ZSCAN23: variants seen among roughly 807,000 people sequenced by gnomAD.
ZSCAN23 encodes zinc finger and SCAN domain containing 23.
A neutral mutation model predicts 19.3 loss-of-function variants in ZSCAN23; 19 were observed. The observed-to-expected ratio is 0.99, with a 90% CI of 0.69 to 1.45. The LOEUF (loss-of-function observed/expected upper bound fraction) is 1.45, where lower values mean the gene tolerates loss of function less well. Among genes scored for constraint, ZSCAN23 ranks in the 40% most tolerant of loss-of-function variants. The pLI, the probability that ZSCAN23 is intolerant of heterozygous loss-of-function variation, is 0.00. For missense variants in ZSCAN23, 372 were observed against 462.5 expected (o/e 0.80, Z 1.79); for synonymous variants, 140 against 166.2 (o/e 0.84, Z 1.21).
At chr6:28,430,363 G>T (rs902497011), downstream of ZSCAN23, among the ~76,000 whole-genome samples, 1 of 152,054 alleles carries the variant, frequency 6.6e-6, no homozygotes, top group African/African-American at 2.4e-5. Context: ...AAGATAAAGG[G>T]CTTTCCAAAC....
chr6:28,443,000 A>C (rs1762033244), intron 1 of ZSCAN23, among the ~76,000 whole-genome samples: 7 of 152,240 alleles, frequency 4.6e-5, no homozygotes, highest in Admixed American at 4.6e-4. Context: ...TAGACTAAGA[A>C]AGGCTGTGGC....
chr6:28,430,317 C>CA (rs575270685), downstream of ZSCAN23, among the ~76,000 whole-genome samples: 203 of 152,200 alleles, frequency 1.3e-3, 1 homozygote, highest in African/African-American at 4.6e-3. Context: ...CAGGCACACT[C>CA]AGAGCTCCTC....
chr6:28,441,368 A>T (rs1761997017), intron 1 of ZSCAN23, among the ~76,000 whole-genome samples: 1 of 152,118 alleles, frequency 6.6e-6, no homozygotes, highest in Non-Finnish European at 1.5e-5. Context: ...CCACAAGCAA[A>T]AACTCTCAGC....
rs933998597 is a variant in ZSCAN23 at position 28,443,383 on chromosome 6, C to T, written c.-78+16G>A. The T allele has an allele frequency of 1.4e-4, 21 of 152,450 alleles. No individual in the cohort carries two copies. The highest frequency in any genetic ancestry group is 4.8e-4 in the African/African-American group (20 of 41,462). The allele number at this position is 152,450 out of a possible 1,614,324, so 9.4% of individuals were successfully genotyped here. A position where few individuals can be genotyped will look rare whatever the true frequency, so the allele number is the denominator to read the frequency against. ...CTTCCGAAGCCCCTCAGCGGTAGCC[C>T]GACTCCGAAGCTCACCGAGGCATCC... On this transcript the variant is annotated intron_variant, in intron 1 of 3. Transcript: ENST00000289788.
downstream of ZSCAN23, among the ~76,000 whole-genome samples, chr6:28,428,058 A>G (rs1761692033): frequency 6.6e-6 from 1 of 152,234 alleles, no homozygotes; most frequent in African/African-American, 2.4e-5. Flanking sequence ...CATGGGCAAC[A>G]AGAGCAAAAC....
At chr6:28,431,635 A>C (rs7740351), downstream of ZSCAN23, among the ~76,000 whole-genome samples, 53,358 of 152,050 alleles carry the variant, frequency 0.35, 10,020 homozygotes, top group African/African-American at 0.49. Flanking sequence ...GCATAGAAAA[A>C]TGGGGATAGG....
chr6:28,422,301 A>G, the ZSCAN23 span, among the ~76,000 whole-genome samples: 1 of 152,162 alleles, frequency 6.6e-6, no homozygotes, highest in Admixed American at 6.5e-5. The surrounding 1 kb of genome is among the most constrained non-coding windows in gnomAD (Gnocchi z 4.0). Context: ...AAAAGCAGCA[A>G]TGTAAAAACC....
At chr6:28,432,123 T>C (rs1172060617), downstream of ZSCAN23, 1 of 152,174 alleles carries the variant, frequency 6.6e-6, no homozygotes, top group Non-Finnish European at 1.5e-5. Flanking sequence ...TTTAAGGCAA[T>C]AAAAGACAGA....
the ZSCAN23 span, among the ~76,000 whole-genome samples, chr6:28,426,201 C>G: frequency 6.6e-6 from 1 of 152,198 alleles, no homozygotes; most frequent in Admixed American, 6.5e-5. Flanking sequence ...CCTTTGCATT[C>G]ACAACTGGCT....
At chr6:28,443,109 G>C (rs1176860722) in intron 1 of ZSCAN23, among the ~76,000 whole-genome samples, 1 of 152,176 alleles carries the variant, frequency 6.6e-6, no homozygotes, top group Non-Finnish European at 1.5e-5. Flanking sequence ...GAATCTATTT[G>C]AATCCTAAGA....
chr6:28,428,930 TC>T (rs1376161180), downstream of ZSCAN23, among the ~76,000 whole-genome samples: 1 of 152,168 alleles, frequency 6.6e-6, no homozygotes, highest in Non-Finnish European at 1.5e-5. Context: ...AACTTTAAAT[TC>T]CTCAGCATAT....
downstream of ZSCAN23, among the ~76,000 whole-genome samples, chr6:28,427,600 A>C (rs1371326834): frequency 6.6e-6 from 1 of 152,202 alleles, no homozygotes; most frequent in Non-Finnish European, 1.5e-5. Context: ...AACATATCTA[A>C]ACACAGAAAA....
chr6:28,429,971 A>C (rs921193686), downstream of ZSCAN23, among the ~76,000 whole-genome samples: 1 of 152,204 alleles, frequency 6.6e-6, no homozygotes, highest in African/African-American at 2.4e-5. Flanking sequence ...TGGAGGATCC[A>C]TCAATCTCAG....
rs570623912 is a variant in ZSCAN23, at chr6:28,441,201, T to C, written c.-78+2198A>G. ...AAGACTAAGCAGCATGTAATACAAATGTGCCTTTATCATCATATATCCCAC... is the reference window on the plus strand; with the variant it reads ...AAGACTAAGCAGCATGTAATACAAACGTGCCTTTATCATCATATATCCCAC... On this transcript the variant is annotated intron_variant, in intron 1 of 3. Transcript: ENST00000289788. Among the ~76,000 whole-genome samples the C allele has an allele frequency of 5.9e-5, 9 of 152,268 alleles. No individual in the cohort carries two copies. The East Asian group carries it at 1.7e-3, about 29-fold the overall frequency.
At chr6:28,423,515 T>A in the ZSCAN23 span, among the ~76,000 whole-genome samples, 1 of 152,168 alleles carries the variant, frequency 6.6e-6, no homozygotes, top group African/African-American at 2.4e-5. Context: ...GATCAGTAGT[T>A]CCAAGACGTG....
chr6:28,429,690 G>A (rs1436138647), downstream of ZSCAN23, among the ~76,000 whole-genome samples: 1 of 152,118 alleles, frequency 6.6e-6, no homozygotes, highest in Non-Finnish European at 1.5e-5. Flanking sequence ...TCTCTGAAAT[G>A]TCTGATGGAG....
Position 28,434,643 on chromosome 6 carries a change from T to G in ZSCAN23, c.992A>C (p.Lys331Thr), listed in dbSNP as rs1761834451. The G allele has an allele frequency of 6.4e-7, 1 of 1,563,612 alleles. No individual in the cohort carries two copies. The highest frequency in any genetic ancestry group is 1.4e-5 in the African/African-American group (1 of 73,376). ...FHHLRIHTGE[K>T]PYQCNQCNKS... ...ATTGCACTGATTGCACTGGTAAGGCTTCTCCCCAGTGTGAATTCTGAGGTG... is the reference window on the plus strand; with the variant it reads ...ATTGCACTGATTGCACTGGTAAGGCGTCTCCCCAGTGTGAATTCTGAGGTG... Residue 331 changes from lysine (K) to threonine (T), a missense_variant, in exon 4 of 4, where the codon AAG (lysine) becomes ACG (threonine). Lys to Thr is a moderately conservative substitution (Grantham distance 78). Transcript: ENST00000289788.
intron 1 of ZSCAN23, 144 bp downstream of exon 1, chr6:28,443,255 G>C (rs1389995785): frequency 6.6e-6 from 1 of 152,590 alleles, no homozygotes; most frequent in Admixed American, 6.5e-5. Context: ...CCAGGCTGCG[G>C]AGCAACCTCC....
Position 28,435,886 on chromosome 6 carries a change from C to T in ZSCAN23, c.381G>A (p.Glu127=), listed in dbSNP as rs1453218532. The T allele has an allele frequency of 1.2e-6, 2 of 1,608,458 alleles. No individual in the cohort carries two copies. Among genetic ancestry groups the T allele is most frequent in the East Asian group, 2.2e-5 (1 of 44,876 alleles). ...EEAVTVLEDL[E]RELDDPGEQV... ...GCTCTCCTGGGTCATCCAGCTCTCT[C>T]TCCAAATCCTCCAGCACAGTCACTG... Residue 127 remains glutamate, a synonymous_variant, in exon 2 of 4, where the codon GAG becomes GAA. Transcript: ENST00000289788.
Sources: gnomAD v4.1 joint callset for allele counts (sites outside exome capture counted in the v4.1 genomes callset) on GRCh38, gnomAD v4.1.1 for gene constraint, Gnocchi (gnomAD v3.1) non-coding constraint, MANE v1.5 for transcripts, NCBI Gene and HGNC (gene_info 2026-07-23, HGNC 2026-07-21) for gene names.